Variants in SLC8A1 observed in about 807,000 individuals in gnomAD.
SLC8A1 encodes sodium/calcium exchanger 1.
A neutral mutation model predicts 68.3 loss-of-function variants in SLC8A1; 18 were observed. The observed-to-expected ratio is 0.26, with a 90% confidence interval of 0.18 to 0.39. The LOEUF is 0.39. SLC8A1 is among the 10% of genes least tolerant of loss of function. The pLI, the probability that SLC8A1 is intolerant of heterozygous loss-of-function variation, is 1.00. For synonymous variants in SLC8A1, 475 were observed against 415.5 expected, an observed-to-expected ratio of 1.14 and a Z score of -1.74; for missense variants, 985 against 1,156.7, an observed-to-expected ratio of 0.85 and a Z score of 2.15.
intron 6 of SLC8A1, among the ~76,000 whole-genome samples, chr2:40,146,338 GCT>G (rs2042455850): frequency 6.6e-6 from 1 of 152,086 alleles, no homozygotes; most frequent in Non-Finnish European, 1.5e-5. Flanking sequence ...GAGAGTTTCA[GCT>G]ATTGGGGAAC....
intron 2 of SLC8A1, among the ~76,000 whole-genome samples, chr2:40,185,242 A>G (rs946568921): frequency 6.6e-6 from 1 of 152,230 alleles, no homozygotes; most frequent in African/African-American, 2.4e-5. Flanking sequence ...CAATTCCACT[A>G]TATGCCAAAG....
intron 2 of SLC8A1, among the ~76,000 whole-genome samples, chr2:40,284,939 C>A (rs754164370): frequency 3.2e-4 from 48 of 152,060 alleles, no homozygotes; most frequent in Non-Finnish European, 5.9e-4. Flanking sequence ...AGCAGGCACT[C>A]TCATGCATTT....
chr2:40,340,640 G>A (rs1329783687), intron 2 of SLC8A1, among the ~76,000 whole-genome samples: 1 of 152,140 alleles, frequency 6.6e-6, no homozygotes, highest in Non-Finnish European at 1.5e-5. Flanking sequence ...CCAGGTTTAG[G>A]GTTAGGATTT....
chr2:40,315,010 C>T (rs749758536), intron 2 of SLC8A1, among the ~76,000 whole-genome samples: 6 of 152,028 alleles, frequency 3.9e-5, no homozygotes, highest in African/African-American at 1.4e-4. Flanking sequence ...CTGGCTAGCA[C>T]CTCCAGTACA....
intron 2 of SLC8A1, among the ~76,000 whole-genome samples, chr2:40,371,872 T>G (rs1481110198): frequency 6.6e-6 from 1 of 152,082 alleles, no homozygotes; most frequent in Non-Finnish European, 1.5e-5. Context: ...AATACGGTTT[T>G]ACAACAGAAC....
chr2:40,431,442 C>T (rs1181176402), intron 1 of SLC8A1, among the ~76,000 whole-genome samples: 1 of 152,044 alleles, frequency 6.6e-6, no homozygotes, highest in African/African-American at 2.4e-5. Context: ...AGTCAGTGAG[C>T]AGCACACAAA....
chr2:40,402,853 G>T (rs1391962176), intron 2 of SLC8A1, among the ~76,000 whole-genome samples: 1 of 152,162 alleles, frequency 6.6e-6, no homozygotes, highest in African/African-American at 2.4e-5. Context: ...TTAACTTTGT[G>T]CTCAGTAAAC....
chr2:40,486,589 T>C (rs569637514), intron 1 of SLC8A1, among the ~76,000 whole-genome samples: 2 of 152,178 alleles, frequency 1.3e-5, no homozygotes, highest in Non-Finnish European at 2.9e-5. Context: ...TGTTACATTT[T>C]TTAAAACACA....
intron 1 of SLC8A1, among the ~76,000 whole-genome samples, chr2:40,438,502 T>C (rs969652316): frequency 3.9e-5 from 6 of 152,114 alleles, no homozygotes; most frequent in Non-Finnish European, 7.4e-5. Context: ...ACTACAGGGA[T>C]TGCAAATATG....
At chr2:40,448,246 C>A (rs1016871490) in intron 1 of SLC8A1, among the ~76,000 whole-genome samples, 2 of 151,966 alleles carry the variant, frequency 1.3e-5, no homozygotes, top group Non-Finnish European at 2.9e-5. Context: ...GCATGGAGGA[C>A]TGGGGATGGA....
At chr2:40,311,258 TTAG>T (rs1468602656) in intron 2 of SLC8A1, among the ~76,000 whole-genome samples, 1 of 152,092 alleles carries the variant, frequency 6.6e-6, no homozygotes, top group Non-Finnish European at 1.5e-5. Context: ...AATTGTAAAA[TTAG>T]TAGGTCAAAA....
At chr2:40,378,952 A>G (rs1383198051) in intron 2 of SLC8A1, among the ~76,000 whole-genome samples, 1 of 151,948 alleles carries the variant, frequency 6.6e-6, no homozygotes, top group East Asian at 1.9e-4. Flanking sequence ...GGCATTTATC[A>G]CCACTTTACA....
intron 2 of SLC8A1, among the ~76,000 whole-genome samples, chr2:40,407,179 G>A (rs559128567): frequency 3.9e-5 from 6 of 152,226 alleles, no homozygotes; most frequent in African/African-American, 1.4e-4. Flanking sequence ...AGATTCTCCT[G>A]CTCAGCCTCC....
chr2:40,214,204 T>C (rs1229113591), intron 2 of SLC8A1, among the ~76,000 whole-genome samples: 1 of 152,130 alleles, frequency 6.6e-6, no homozygotes, highest in Non-Finnish European at 1.5e-5. Flanking sequence ...TATTGCTGGA[T>C]ATTAACAAAA....
rs115676939 is a variant in SLC8A1, at chr2:40,228,396, C to T, written c.1809-50541G>A. 8.2e-3 allele frequency among the ~76,000 whole-genome samples: 1,248 copies of T among 152,270 alleles called. 16 individuals are homozygous for T. The highest frequency in any genetic ancestry group is 0.028 in the African/African-American group (1,167 of 41,564). On this transcript the variant is annotated intron_variant, in intron 2 of 7. Transcript: ENST00000406785. The stretch of plus-strand genomic sequence containing the variant: ...TGGCTACATGATGTGGAAAAGGCTG[C>T]GGAAATGCTGCTGTCTACATTGGCA...
intron 2 of SLC8A1, among the ~76,000 whole-genome samples, chr2:40,427,462 G>A (rs553856747): frequency 2.0e-5 from 3 of 151,842 alleles, no homozygotes; most frequent in Admixed American, 6.6e-5. Context: ...TTTTAACGTC[G>A]TTTGTTGTAC....
intron 6 of SLC8A1, among the ~76,000 whole-genome samples, chr2:40,143,706 A>T (rs944094349): frequency 2.7e-4 from 41 of 152,220 alleles, no homozygotes; most frequent in Non-Finnish European, 2.4e-4. Flanking sequence ...GCTCGGAAAC[A>T]TGAGAGCAAG....
At chr2:40,432,293 A>G (rs1462775054) in intron 1 of SLC8A1, among the ~76,000 whole-genome samples, 1 of 151,738 alleles carries the variant, frequency 6.6e-6, no homozygotes, top group African/African-American at 2.4e-5. Context: ...CACAGAGCTT[A>G]TATTCTAATG....
In SLC8A1 at chr2:40,175,416, AC is replaced by A. The variant is rs3833567; in HGVS notation, c.1913-575del. ...GGGAGCCACTGCTAAAAATGGGTATACCCCAAAGAAATATAGTGATGGGAAT... is the reference window on the plus strand; with the variant it reads ...GGGAGCCACTGCTAAAAATGGGTATACCCAAAGAAATATAGTGATGGGAAT... On this transcript the variant is annotated intron_variant, in intron 3 of 7. Transcript: ENST00000406785. 626 of 766,586 alleles carry A rather than the reference AC, an allele frequency of 8.2e-4. 3 individuals are homozygous for A. The East Asian group carries it at 0.015, about 18-fold the overall frequency. 47.5% of individuals were successfully genotyped at this position (766,586 alleles called of 1,614,324 possible).
Sources: allele counts gnomAD v4.1 joint callset (sites outside exome capture counted in the v4.1 genomes callset), GRCh38; gene constraint gnomAD v4.1.1; transcripts MANE v1.5; gene names NCBI Gene and HGNC (gene_info 2026-07-23, HGNC 2026-07-21).